The following PTPN21 variants were observed in gnomAD, a reference collection of about 807,000 sequenced individuals.
The protein encoded by PTPN21 is protein tyrosine phosphatase non-receptor type 21.
A neutral mutation model predicts 131.8 loss-of-function variants in PTPN21; 77 were observed. The ratio of observed to expected loss-of-function variants is 0.58; its 90% CI spans 0.49 to 0.71. The LOEUF (loss-of-function observed/expected upper bound fraction) is 0.71, where lower values mean the gene tolerates loss of function less well. Among genes scored for constraint, PTPN21 ranks in the 30% least tolerant of loss-of-function variants. The probability of loss-of-function intolerance (pLI) is 0.00; values close to 1 mark genes in which losing one functional copy is unlikely to be tolerated. For missense variants in PTPN21, 1,552 were observed against 1,527.1 expected, an observed-to-expected ratio of 1.02 and a Z score of -0.27; for synonymous variants, 715 against 621.3, an observed-to-expected ratio of 1.15 and a Z score of -2.24.
Position 88,535,969 on chromosome 14 carries a change from C to T in PTPN21, c.180+14269G>A, listed in dbSNP as rs185717434. On this transcript the variant is annotated intron_variant, in intron 2 of 18. Coordinates refer to ENST00000556564, the MANE Select transcript of PTPN21 (RefSeq NM_007039.4). ...AGCCTTTAGTTATTGGCGTTCAGTTCATGTCTCCTGCCACACTTTGTTATA... is the reference window on the plus strand; with the variant it reads ...AGCCTTTAGTTATTGGCGTTCAGTTTATGTCTCCTGCCACACTTTGTTATA... Among the ~76,000 whole-genome samples the T allele has an allele frequency of 1.1e-3, 174 of 152,304 alleles. 4 individuals carry two copies. Among genetic ancestry groups the T allele is most frequent in the African/African-American group, 4.0e-3 (165 of 41,570 alleles).
At chr14:88,487,421 ATT>A (rs1316204797) in intron 10 of PTPN21, among the ~76,000 whole-genome samples, 1 of 152,108 alleles carries the variant, frequency 6.6e-6, no homozygotes, top group African/African-American at 2.4e-5. Context: ...ATTTAAGCAA[ATT>A]TACCATAATA....
chr14:88,507,722 T>C (rs1006203515), intron 4 of PTPN21, among the ~76,000 whole-genome samples: 2 of 152,332 alleles, frequency 1.3e-5, no homozygotes, highest in Middle Eastern at 3.4e-3. Context: ...CATGATTAAC[T>C]TCCAGAAGTC....
intron 2 of PTPN21, among the ~76,000 whole-genome samples, chr14:88,526,549 A>C (rs1353504782): frequency 1.9e-4 from 3 of 15,546 alleles, no homozygotes; most frequent in Non-Finnish European, 4.5e-4. Context: ...GATGATCTCA[A>C]AAAAAAAAAA....
At chr14:88,507,823 A>G in intron 4 of PTPN21, 100 bp downstream of exon 4, 2 of 623,054 alleles carry the variant, frequency 3.2e-6, no homozygotes, top group East Asian at 3.0e-5. Flanking sequence ...AAACACTACT[A>G]AAGATGTATA....
At chr14:88,482,107 C>A (rs1410988013) in intron 12 of PTPN21, among the ~76,000 whole-genome samples, 1 of 152,220 alleles carries the variant, frequency 6.6e-6, no homozygotes, top group Non-Finnish European at 1.5e-5. Flanking sequence ...ACAGCATAGC[C>A]CTGCCTATCC....
Position 88,479,506 on chromosome 14 carries a change from C to A in PTPN21, c.1925G>T (p.Gly642Val), listed in dbSNP as rs1208583114. The change falls in exon 13 of 19, where the codon GGG becomes GTG. Residue 642 changes from glycine (G) to valine (V), a missense_variant. Gly to Val is a moderately radical substitution (Grantham distance 109). This residue lies in a region of PTPN21 where 1,016 missense variants were observed against 883.5 expected (regional missense o/e 1.15). Coordinates refer to ENST00000556564, the MANE Select transcript of PTPN21 (RefSeq NM_007039.4). Reference protein sequence around the residue: ...LHKRNSIEVAGLSHGLEGLRL... With the variant: ...LHKRNSIEVAVLSHGLEGLRL... ...CAGGCCCTCCAGGCCGTGGCTGAGC[C>A]CGGCCACCTCGATGCTGTTCCGTTT... 6.2e-7 allele frequency: 1 copy of A among 1,600,868 alleles called. No individual in the cohort carries two copies. Among genetic ancestry groups the A allele is most frequent in the Non-Finnish European group, 8.5e-7 (1 of 1,179,248 alleles).
chr14:88,520,026 T>C (rs932354415), intron 2 of PTPN21, among the ~76,000 whole-genome samples: 2 of 151,298 alleles, frequency 1.3e-5, no homozygotes, highest in East Asian at 1.9e-4. Flanking sequence ...TAAAAAGCTA[T>C]TAATCTCCTA....
At chr14:88,471,470 A>G (rs1300582046) in intron 15 of PTPN21, among the ~76,000 whole-genome samples, 1 of 152,192 alleles carries the variant, frequency 6.6e-6, no homozygotes, top group Admixed American at 6.5e-5. Context: ...AGCCTCTTAA[A>G]TACATGGGAC....
In PTPN21 at chr14:88,550,409, C is replaced by T; in HGVS notation, c.9G>A (p.Leu3=). The T allele has an allele frequency of 6.2e-7, 1 of 1,613,576 alleles. No homozygotes were observed. The highest frequency in any genetic ancestry group is 1.3e-5 in the African/African-American group (1 of 75,040). MP[L]PFGLKLKRTR... ...TGCGTTTCAGTTTCAACCCAAATGG[C>T]AGTGGCATCTTCTTCTTTCTTCAAG... Residue 3 remains leucine (L), a synonymous_variant, in exon 2 of 19, where the codon CTG becomes CTA. Coordinates refer to ENST00000556564, the MANE Select transcript of PTPN21 (RefSeq NM_007039.4).
At chr14:88,494,617 A>G (rs1278431097) in intron 10 of PTPN21, among the ~76,000 whole-genome samples, 1 of 152,076 alleles carries the variant, frequency 6.6e-6, no homozygotes, top group Non-Finnish European at 1.5e-5. Context: ...GTGAGCCATG[A>G]TCATGCCACT....
chr14:88,479,348 AC>A lies in PTPN21; in HGVS notation c.2082del (p.Arg694SerfsTer14). 6.2e-7 allele frequency: 1 copy of A among 1,612,618 alleles called. No homozygotes were observed. The highest frequency in any genetic ancestry group is 1.1e-5 in the South Asian group (1 of 91,058). On this transcript the variant is annotated frameshift_variant, in exon 13 of 19. Transcript: ENST00000556564. LOFTEE classifies it high-confidence loss of function. ...REGPEEAEGL[R>X]YGHKKSLSDA... The stretch of plus-strand genomic sequence containing the variant: ...TCCGACAGGGACTTCTTATGGCCGT[AC>A]CTCAAGCCCTCCGCCTCCTCCGGCC...
intron 2 of PTPN21, among the ~76,000 whole-genome samples, chr14:88,528,424 T>G (rs938694072): frequency 6.6e-6 from 1 of 152,250 alleles, no homozygotes; most frequent in African/African-American, 2.4e-5. Flanking sequence ...ATAAAAGAAG[T>G]TGAGTTCTTG....
chr14:88,485,240 TTC>T lies in PTPN21; in HGVS notation c.994-82_994-81del, dbSNP rs1403997531. 9 of 884,074 alleles carry T rather than the reference TTC, an allele frequency of 1.0e-5. No homozygotes were observed. The East Asian group carries it at 1.9e-4, about 19-fold the overall frequency. The allele number at this position is 884,074 out of a possible 1,614,324, so 54.8% of individuals were successfully genotyped here. ...GTAAAGTTATTATCCACTGGATTCT[TTC>T]TGTTAAAAAAACTTCTAAAGGAATT... is the stretch of plus-strand genomic sequence containing the variant. On this transcript the variant is annotated intron_variant, in intron 11 of 18. Transcript: ENST00000556564.
Position 88,484,998 on chromosome 14 carries a change from G to A in PTPN21, c.1078+78C>T, listed in dbSNP as rs1163743326. Reference sequence around the variant, plus strand: ...GCAACTTCAGCCAAAAACTGTCCAGGCTTCATGATCTCCAAGCATTCACAG... The same window carrying A: ...GCAACTTCAGCCAAAAACTGTCCAGACTTCATGATCTCCAAGCATTCACAG... On this transcript the variant is annotated intron_variant, in intron 12 of 18. Transcript: ENST00000556564. 1.0e-5 allele frequency: 13 copies of A among 1,261,050 alleles called. No individual in the cohort carries two copies. In the East Asian group the frequency reaches 2.8e-4, roughly 27 times the overall value. 78.1% of individuals were successfully genotyped at this position (1,261,050 alleles called of 1,614,324 possible). A position where few individuals can be genotyped will look rare whatever the true frequency, so the allele number is the denominator to read the frequency against.
chr14:88,526,149 G>C (rs1454821415), intron 2 of PTPN21, among the ~76,000 whole-genome samples: 1 of 152,108 alleles, frequency 6.6e-6, no homozygotes, highest in Admixed American at 6.6e-5. Context: ...GAAGAATAGA[G>C]AATGACTGCC....
chr14:88,508,538 T>A, intron 3 of PTPN21, among the ~76,000 whole-genome samples: 1 of 152,250 alleles, frequency 6.6e-6, no homozygotes, highest in Middle Eastern at 3.4e-3. Context: ...TTATCCCAGA[T>A]TATAGTTATT....
intron 2 of PTPN21, among the ~76,000 whole-genome samples, chr14:88,532,613 G>A (rs2078570735): frequency 6.6e-6 from 1 of 152,042 alleles, no homozygotes; most frequent in South Asian, 2.1e-4. Flanking sequence ...CTCTTTTATG[G>A]ATTTTTTTTC....
intron 10 of PTPN21, among the ~76,000 whole-genome samples, chr14:88,487,495 T>C (rs1176185679): frequency 6.6e-6 from 1 of 151,832 alleles, no homozygotes; most frequent in East Asian, 1.9e-4. Context: ...GTATCTTATA[T>C]TCAAAAACCC....
chr14:88,543,225 TC>T (rs773506252), intron 2 of PTPN21, among the ~76,000 whole-genome samples: 1 of 152,026 alleles, frequency 6.6e-6, no homozygotes, highest in African/African-American at 2.4e-5. Flanking sequence ...TTCTAACAAA[TC>T]CCCTAGCGAA....
Sources: gnomAD v4.1 joint callset for allele counts (sites outside exome capture counted in the v4.1 genomes callset) on GRCh38, gnomAD v4.1.1 for gene constraint, gnomAD v4.1.1 regional missense constraint, MANE v1.5 for transcripts, NCBI Gene and HGNC (gene_info 2026-07-23, HGNC 2026-07-21) for gene names.